The following TMEM185A variants were observed in gnomAD, a reference collection of about 807,000 sequenced individuals.
TMEM185A encodes transmembrane protein 185A.
Under a neutral mutation model 25.0 loss-of-function variants are expected in TMEM185A, and 9 were observed. The observed-to-expected ratio is 0.36, with a 90% CI of 0.22 to 0.63. The LOEUF (loss-of-function observed/expected upper bound fraction) is 0.63, where lower values mean the gene tolerates loss of function less well. TMEM185A is among the 20% of genes least tolerant of loss of function. TMEM185A has a pLI of 0.68. For synonymous variants in TMEM185A, 45 were observed against 93.5 expected (o/e 0.48, Z 2.99); for missense variants, 103 against 237.4 (o/e 0.43, Z 3.72).
At chrX:149,631,521 G>A (rs1557356638) in intron 1 of TMEM185A, 22 bp downstream of exon 1, 2 of 1,157,833 alleles carry the variant, frequency 1.7e-6, no homozygotes, top group Non-Finnish European at 2.3e-6. Flanking sequence ...GACTCCCGGG[G>A]GCGCCAACGA....
intron 1 of TMEM185A, among the ~76,000 whole-genome samples, chrX:149,612,175 C>T (rs1180917833): frequency 1.8e-5 from 2 of 111,843 alleles, no homozygotes; most frequent in African/African-American, 3.3e-5. Flanking sequence ...TTTACCTTCC[C>T]GCCTAAATAA....
At chrX:149,628,059 T>C (rs1453875445) in intron 1 of TMEM185A, among the ~76,000 whole-genome samples, 1 of 111,879 alleles carries the variant, frequency 8.9e-6, no homozygotes, top group Non-Finnish European at 1.9e-5. Context: ...TGCCCACAAG[T>C]TGGAACCCCC....
chrX:149,624,961 A>G (rs1458439130), intron 1 of TMEM185A, among the ~76,000 whole-genome samples: 1 of 112,107 alleles, frequency 8.9e-6, no homozygotes, highest in Non-Finnish European at 1.9e-5. Flanking sequence ...TGTGTAAATG[A>G]TACATTTTAC....
chrX:149,609,784 C>T (rs2090072192), intron 2 of TMEM185A, among the ~76,000 whole-genome samples: 1 of 112,506 alleles, frequency 8.9e-6, no homozygotes, highest in African/African-American at 3.2e-5. Flanking sequence ...TTCAACCCCA[C>T]ATACACAATT....
intron 3 of TMEM185A, 102 bp from the exon 4 acceptor site, chrX:149,604,172 TG>T: frequency 1.9e-6 from 1 of 526,262 alleles, no homozygotes; most frequent in Non-Finnish European, 3.2e-6. Flanking sequence ...TATAATACAG[TG>T]TAACTTGTAT....
chrX:149,603,955 A>T, intron 4 of TMEM185A, 32 bp downstream of exon 4: 9 of 1,128,409 alleles, frequency 8.0e-6, no homozygotes, highest in Non-Finnish European at 1.1e-5. Context: ...AATAAAAAAG[A>T]ACTTTATTTA....
rs2089994342 is a variant in TMEM185A, at chrX:149,597,067, TG to T, written c.*943del. 9.4e-6 allele frequency: 1 copy of T among 106,018 alleles called. No homozygotes were observed. Among genetic ancestry groups the T allele is most frequent in the African/African-American group, 3.6e-5 (1 of 27,844 alleles). The allele number at this position is 106,018 out of a possible 1,213,427, so 8.7% of individuals were successfully genotyped here. On this transcript the variant is annotated 3_prime_UTR_variant, in exon 7 of 7. Coordinates refer to ENST00000600449, the MANE Select transcript of TMEM185A (RefSeq NM_032508.4). ...TAGTGTTCCGGCTTCAAGCAGCGCTTGTCAGGTTTGAAGCTAGCCACTATTC... is the reference window on the plus strand; with the variant it reads ...TAGTGTTCCGGCTTCAAGCAGCGCTTTCAGGTTTGAAGCTAGCCACTATTC...
At chrX:149,609,638 C>T (rs2090071223) in intron 2 of TMEM185A, among the ~76,000 whole-genome samples, 1 of 112,298 alleles carries the variant, frequency 8.9e-6, no homozygotes, top group Non-Finnish European at 1.9e-5. Context: ...TTATGATATA[C>T]ATGTATTGTG....
intron 3 of TMEM185A, chrX:149,605,264 TCTTTCTATAGCCTCCCATGTCA>T (rs1347131325): frequency 4.5e-5 from 5 of 110,138 alleles, no homozygotes; most frequent in African/African-American, 1.7e-4. Flanking sequence ...TTGTATCTCC[TCTTTCTATAGCCTCCCATGTCA>T]CTTTCTATGG....
chrX:149,627,703 G>A (rs1557356188), intron 1 of TMEM185A, among the ~76,000 whole-genome samples: 1 of 112,250 alleles, frequency 8.9e-6, no homozygotes, highest in Non-Finnish European at 1.9e-5. Context: ...TCACTGTAAT[G>A]CCTCATACTC....
In TMEM185A at chrX:149,629,884, T is replaced by A. The variant is rs1031904361; in HGVS notation, c.38+1659A>T. Among the ~76,000 whole-genome samples, 33 of 112,497 alleles carry A rather than the reference T, an allele frequency of 2.9e-4. 1 individual carries two copies. The highest frequency in any genetic ancestry group is 3.8e-5 in the Non-Finnish European group (2 of 53,314). On this transcript the variant is annotated intron_variant, in intron 1 of 6. Transcript: ENST00000600449. ...ACAAGTCACTGTAGCTTTCTATTTG[T>A]AAGGCACTTTGTAATCAATCCTTAA...
At chrX:149,602,695 C>T (rs1295039485) in intron 4 of TMEM185A, among the ~76,000 whole-genome samples, 3 of 112,030 alleles carry the variant, frequency 2.7e-5, no homozygotes, top group African/African-American at 9.7e-5. Context: ...CTTTTTTTTC[C>T]CTGACAGTAT....
At chrX:149,620,769 A>T (rs10521885) in intron 1 of TMEM185A, among the ~76,000 whole-genome samples, 12,040 of 112,118 alleles carry the variant, frequency 0.11, 1,569 homozygotes, top group African/African-American at 0.36. Flanking sequence ...TTAGCTAATA[A>T]TATTAATACT....
chrX:149,618,237 T>C (rs1369213699), intron 1 of TMEM185A, among the ~76,000 whole-genome samples: 1 of 111,705 alleles, frequency 9.0e-6, no homozygotes, highest in African/African-American at 3.3e-5. Flanking sequence ...GCTTATGATA[T>C]CTGAGTTTTC....
intron 4 of TMEM185A, 67 bp downstream of exon 4, chrX:149,603,920 T>C: frequency 1.0e-6 from 1 of 954,203 alleles, no homozygotes; most frequent in Non-Finnish European, 1.5e-6. Flanking sequence ...CCAAGCTTTG[T>C]ACAGTGAATA....
At chrX:149,627,869 T>C (rs1325610087) in intron 1 of TMEM185A, among the ~76,000 whole-genome samples, 1 of 112,474 alleles carries the variant, frequency 8.9e-6, no homozygotes, top group Admixed American at 9.4e-5. Flanking sequence ...TGTTATAATA[T>C]ACTTTGCAAA....
chrX:149,602,161 T>C (rs1437742118), intron 4 of TMEM185A: 5 of 107,352 alleles, frequency 4.7e-5, no homozygotes, highest in African/African-American at 1.7e-4. Context: ...CTGTATGTTC[T>C]GGGTGCAAGT....
chrX:149,625,627 ACAGT>A (rs1185480230), intron 1 of TMEM185A, among the ~76,000 whole-genome samples: 6 of 112,253 alleles, frequency 5.3e-5, no homozygotes, highest in Admixed American at 3.8e-4. Flanking sequence ...GAAATGGCAA[ACAGT>A]CAGTCAGAGC....
intron 4 of TMEM185A, among the ~76,000 whole-genome samples, chrX:149,602,701 A>G (rs1348347525): frequency 8.9e-6 from 1 of 112,484 alleles, no homozygotes; most frequent in Non-Finnish European, 1.9e-5. Flanking sequence ...TTTCCCTGAC[A>G]GTATCTTATA....
Sources: gnomAD v4.1 joint callset for allele counts (sites outside exome capture counted in the v4.1 genomes callset) on GRCh38, gnomAD v4.1.1 for gene constraint, MANE v1.5 for transcripts, NCBI Gene and HGNC (gene_info 2026-07-23, HGNC 2026-07-21) for gene names.